The following PNLIPRP3 variants were observed in gnomAD, a reference collection of about 807,000 sequenced individuals.
PNLIPRP3 encodes the protein pancreatic lipase related protein 3.
A neutral mutation model predicts 52.8 loss-of-function variants in PNLIPRP3; 58 were observed. That is an observed-to-expected ratio of 1.10 (90% CI 0.89 to 1.37). The LOEUF (loss-of-function observed/expected upper bound fraction) is 1.37. Among genes scored for constraint, PNLIPRP3 ranks in the 40% most tolerant of loss-of-function variants. The pLI is 0.00. For synonymous variants in PNLIPRP3, 192 were observed against 185.0 expected, an observed-to-expected ratio of 1.04 and a Z score of -0.31; for missense variants, 593 against 561.6, an observed-to-expected ratio of 1.06 and a Z score of -0.57.
chr10:116,436,544 A>G (rs764759720), intron 1 of PNLIPRP3, among the ~76,000 whole-genome samples, 167 bp from the exon 2 acceptor site: 3 of 152,236 alleles, frequency 2.0e-5, no homozygotes, highest in African/African-American at 4.8e-5. Context: ...GGAACTAGTC[A>G]ACAAAATGAA....
intron 4 of PNLIPRP3, among the ~76,000 whole-genome samples, chr10:116,447,200 ACT>A (rs1327543638): frequency 6.6e-6 from 1 of 151,512 alleles, no homozygotes; most frequent in East Asian, 1.9e-4. Flanking sequence ...TTCTGTCTTG[ACT>A]CTCTTGGAAG....
At chr10:116,448,890 C>T (rs1430446399) in intron 4 of PNLIPRP3, among the ~76,000 whole-genome samples, 1 of 151,894 alleles carries the variant, frequency 6.6e-6, no homozygotes, top group African/African-American at 2.4e-5. Context: ...CTGGTGGGTG[C>T]CTGTAATCCC....
At position 116,474,875 on chromosome 10, in the gene PNLIPRP3, G is replaced by A. The variant is rs116429454; in HGVS notation, c.1173-1777G>A. Among the ~76,000 whole-genome samples, 763 of 152,232 alleles carry A rather than the reference G, an allele frequency of 5.0e-3. 6 individuals are homozygous for A. The highest frequency in any genetic ancestry group is 0.018 in the African/African-American group (739 of 41,546). On this transcript the variant is annotated intron_variant, in intron 10 of 11. Coordinates refer to ENST00000369230, the MANE Select transcript of PNLIPRP3 (RefSeq NM_001011709.3). The stretch of plus-strand genomic sequence containing the variant: ...GAATGTAAATTTGTTCAACCATTGT[G>A]GAAGGCCTCAAAGACCTAAAGACAG...
At chr10:116,450,962 G>A (rs1846027019) in intron 4 of PNLIPRP3, among the ~76,000 whole-genome samples, 1 of 151,860 alleles carries the variant, frequency 6.6e-6, no homozygotes, top group Non-Finnish European at 1.5e-5. Context: ...GTATATGGAA[G>A]CACAAAGGAC....
At chr10:116,455,642 T>TA (rs1270814011) in intron 4 of PNLIPRP3, 80 bp from the exon 5 acceptor site, 2 of 1,064,864 alleles carry the variant, frequency 1.9e-6, no homozygotes, top group Non-Finnish European at 2.8e-6. Context: ...TTGATCCTTT[T>TA]TTTTTTCTAT....
In PNLIPRP3 at chr10:116,477,391, A is replaced by G. The variant is rs972091473; in HGVS notation, c.*238A>G. On this transcript the variant is annotated 3_prime_UTR_variant, in exon 12 of 12. Coordinates refer to ENST00000369230, the MANE Select transcript of PNLIPRP3 (RefSeq NM_001011709.3). ...ATTACTATGATCTGTAGGAATCTGG[A>G]TATCATTGACAAAATAGAGCTGTTT... 2.2e-5 allele frequency: 7 copies of G among 322,472 alleles called. No homozygotes were observed. The highest frequency in any genetic ancestry group is 1.3e-4 in the African/African-American group (6 of 46,248). 20.0% of individuals were successfully genotyped at this position (322,472 alleles called of 1,614,324 possible).
intron 9 of PNLIPRP3, among the ~76,000 whole-genome samples, chr10:116,469,530 C>G (rs1382705845): frequency 6.6e-6 from 1 of 152,206 alleles, no homozygotes; most frequent in Non-Finnish European, 1.5e-5. Flanking sequence ...TAAACTTTCT[C>G]TTAGGAAACA....
rs546758610 is a variant in PNLIPRP3 at position 116,457,432 on chromosome 10, TA to T, written c.565+1609del. Among the ~76,000 whole-genome samples, 47 of 152,274 alleles carry T rather than the reference TA, an allele frequency of 3.1e-4. No individual in the cohort carries two copies. In the South Asian group the frequency reaches 9.3e-3, roughly 30 times the overall value. ...AAATCTCAATTTAGAACACAGTTTT[TA>T]AAAAAATACCTAGAAGTCCAAATTG... On this transcript the variant is annotated intron_variant, in intron 5 of 11. Transcript: ENST00000369230.
intron 8 of PNLIPRP3, 109 bp from the exon 9 acceptor site, chr10:116,469,076 C>T (rs958198386): frequency 1.7e-6 from 2 of 1,149,950 alleles, no homozygotes; most frequent in South Asian, 1.9e-5. Context: ...AATGCATATC[C>T]TTTATTTAGA....
chr10:116,441,053 C>T (rs572227975), intron 2 of PNLIPRP3, among the ~76,000 whole-genome samples: 37 of 152,296 alleles, frequency 2.4e-4, no homozygotes, highest in South Asian at 1.0e-3. Flanking sequence ...ATCATTTCCT[C>T]GTTTCTATCC....
intron 1 of PNLIPRP3, among the ~76,000 whole-genome samples, chr10:116,434,488 A>T (rs1271180740): frequency 6.6e-6 from 1 of 152,302 alleles, no homozygotes; most frequent in East Asian, 1.9e-4. Flanking sequence ...TAATCTTTCA[A>T]TCTTTTCTTA....
chr10:116,431,974 C>G (rs1391559817), intron 1 of PNLIPRP3, among the ~76,000 whole-genome samples: 2 of 152,144 alleles, frequency 1.3e-5, no homozygotes, highest in Non-Finnish European at 2.9e-5. Context: ...CTGCAAACCC[C>G]TCCTCACCTA....
chr10:116,469,550 T>C (rs770288309), intron 9 of PNLIPRP3, among the ~76,000 whole-genome samples: 15 of 152,202 alleles, frequency 9.9e-5, no homozygotes, highest in Non-Finnish European at 5.9e-5. Context: ...ATTCAAGATA[T>C]GTGCAGAGCA....
intron 5 of PNLIPRP3, among the ~76,000 whole-genome samples, chr10:116,458,397 T>C (rs1484142600): frequency 1.3e-5 from 2 of 152,060 alleles, no homozygotes; most frequent in African/African-American, 4.8e-5. Flanking sequence ...TCCTGAGATA[T>C]CCTAGAACAA....
At chr10:116,445,604 C>G (rs752030202) in intron 4 of PNLIPRP3, among the ~76,000 whole-genome samples, 1 of 149,968 alleles carries the variant, frequency 6.7e-6, no homozygotes, top group Non-Finnish European at 1.5e-5. Context: ...TCTTTATTGA[C>G]CTTAGGGCCT....
intron 9 of PNLIPRP3, among the ~76,000 whole-genome samples, chr10:116,469,972 A>C (rs1357737602): frequency 1.9e-4 from 2 of 10,374 alleles, no homozygotes; most frequent in Non-Finnish European, 4.0e-3. Context: ...AATTCAGGCA[A>C]AAAAAAAAAA....
At chr10:116,455,517 T>C (rs1445856256) in intron 4 of PNLIPRP3, among the ~76,000 whole-genome samples, 2 of 152,204 alleles carry the variant, frequency 1.3e-5, no homozygotes, top group African/African-American at 4.8e-5. Context: ...AGAGCTCCTA[T>C]AGAAGGCATT....
At chr10:116,428,605 A>T (rs1019407824) in intron 1 of PNLIPRP3, among the ~76,000 whole-genome samples, 8 of 152,078 alleles carry the variant, frequency 5.3e-5, no homozygotes, top group Non-Finnish European at 1.0e-4. Flanking sequence ...GTCTGTGGAC[A>T]TTTCTTAAAC....
rs892016368 is a variant in PNLIPRP3 at position 116,446,335 on chromosome 10, C to T, written c.456+1822C>T. Among the ~76,000 whole-genome samples the T allele has an allele frequency of 4.6e-5, 5 of 109,110 alleles. No individual in the cohort carries two copies. In the East Asian group the frequency reaches 7.7e-4, roughly 17 times the overall value. The allele number at this position is 109,110 out of a possible 152,430, so 71.6% of individuals were successfully genotyped here. A position where few individuals can be genotyped will look rare whatever the true frequency, so the allele number is the denominator to read the frequency against. The stretch of plus-strand genomic sequence containing the variant: ...CACTCCAGCTTGGGCCAGAGTGCGA[C>T]GCTGCGTCTCAAAAAAAAAAAAAAA... On this transcript the variant is annotated intron_variant, in intron 4 of 11. Transcript: ENST00000369230.
Sources: gnomAD v4.1 joint callset for allele counts (sites outside exome capture counted in the v4.1 genomes callset) on GRCh38, gnomAD v4.1.1 for gene constraint, MANE v1.5 for transcripts, NCBI Gene and HGNC (gene_info 2026-07-23, HGNC 2026-07-21) for gene names.